CAPN2: variants seen among roughly 807,000 people sequenced by gnomAD.
CAPN2 encodes calpain-2 catalytic subunit.
Under a neutral mutation model 102.3 loss-of-function variants are expected in CAPN2, and 92 were observed. The ratio of observed to expected loss-of-function variants is 0.90; its 90% CI spans 0.76 to 1.07. The LOEUF (loss-of-function observed/expected upper bound fraction) is 1.07. CAPN2 is among the 50% of genes least tolerant of loss of function. The pLI is 0.00. For missense variants in CAPN2, 800 were observed against 909.4 expected (o/e 0.88, Z 1.55); for synonymous variants, 340 against 355.4 (o/e 0.96, Z 0.49).
intron 2 of CAPN2, among the ~76,000 whole-genome samples, chr1:223,729,877 C>T (rs1233919880): frequency 2.0e-5 from 3 of 151,870 alleles, no homozygotes; most frequent in Non-Finnish European, 1.5e-5. Flanking sequence ...GCGGTGTATG[C>T]CTGTAGTCCC....
chr1:223,740,284 T>G (rs1392780475), intron 2 of CAPN2, among the ~76,000 whole-genome samples: 1 of 152,182 alleles, frequency 6.6e-6, no homozygotes, highest in Non-Finnish European at 1.5e-5. Context: ...GAAATAGCAC[T>G]TGAACATAAA....
At chr1:223,706,321 T>G (rs1048589193) in intron 1 of CAPN2, among the ~76,000 whole-genome samples, 2 of 152,112 alleles carry the variant, frequency 1.3e-5, no homozygotes, top group African/African-American at 2.4e-5. Context: ...AACAGGCCTG[T>G]CCAATACTCA....
rs536853372 is a variant in CAPN2, at chr1:223,723,635, A to G, written c.307+5804A>G. ...TAAGATCTAAGATCTTAGAGACGAG[A>G]TGAGACATCTCTTGCCTTCGTGCAT... On this transcript the variant is annotated intron_variant, in intron 2 of 20. Coordinates refer to ENST00000295006, the MANE Select transcript of CAPN2 (RefSeq NM_001748.5). Among the ~76,000 whole-genome samples, 17 of 152,132 alleles carry G rather than the reference A, an allele frequency of 1.1e-4. No homozygotes were observed. In the East Asian group the frequency reaches 2.9e-3, roughly 26 times the overall value.
At chr1:223,703,409 G>T (rs1659529667) in intron 1 of CAPN2, among the ~76,000 whole-genome samples, 6 of 151,814 alleles carry the variant, frequency 4.0e-5, no homozygotes, top group Admixed American at 3.9e-4. Context: ...CTCCCATTGT[G>T]CCGTGCCTGG....
At chr1:223,752,998 A>G (rs1262265273) in intron 9 of CAPN2, 42 bp downstream of exon 9, 3 of 1,598,530 alleles carry the variant, frequency 1.9e-6, no homozygotes, top group African/African-American at 2.7e-5. Context: ...ATGCGGGGCC[A>G]CCAAAGGCCA....
chr1:223,733,108 C>A (rs1571792307), intron 2 of CAPN2, among the ~76,000 whole-genome samples: 1 of 152,272 alleles, frequency 6.6e-6, no homozygotes, highest in Non-Finnish European at 1.5e-5. Flanking sequence ...CCTGCCCACA[C>A]ACCTCCTGTC....
intron 12 of CAPN2, among the ~76,000 whole-genome samples, chr1:223,760,983 G>A (rs1173873443): frequency 1.3e-5 from 2 of 152,268 alleles, no homozygotes; most frequent in East Asian, 1.9e-4. Context: ...CCTGGCCCTG[G>A]ACACAGGGGC....
rs759517694 is a variant in CAPN2, at chr1:223,745,393, G to A, written c.514G>A (p.Glu172Lys). Residue 172 changes from glutamate (E) to lysine (K), a missense_variant, in exon 4 of 21, where the codon GAA (glutamate) becomes AAA (lysine). Physicochemically the swap from Glu to Lys is moderately conservative, Grantham distance 56. Transcript: ENST00000295006. ...GGAGCTGCTCTTTGTGCATTCAGCC[G>A]AAGGGAGCGAGTTCTGGAGCGCCCT... ...DGELLFVHSA[E>K]GSEFWSALLE... is the part of the protein sequence containing the mutation. 27 of 1,614,108 alleles carry A rather than the reference G, an allele frequency of 1.7e-5. No homozygotes were observed. Among genetic ancestry groups the A allele is most frequent in the South Asian group, 8.8e-5 (8 of 91,090 alleles).
upstream of CAPN2, among the ~76,000 whole-genome samples, chr1:223,709,476 C>T (rs947237018): frequency 1.3e-5 from 2 of 151,984 alleles, no homozygotes; most frequent in Admixed American, 6.6e-5. Flanking sequence ...GCCTAGCCAA[C>T]GTGGAGAAAC....
chr1:223,766,469 G>A, intron 16 of CAPN2, 38 bp downstream of exon 16: 1 of 1,486,988 alleles, frequency 6.7e-7, no homozygotes, highest in Non-Finnish European at 9.4e-7. Flanking sequence ...GAGACTGGGG[G>A]AGTTTAAAAT....
chr1:223,764,001 G>A (rs2102812497), intron 14 of CAPN2, 149 bp from the exon 15 acceptor site: 2 of 671,452 alleles, frequency 3.0e-6, no homozygotes, highest in East Asian at 5.1e-5. Flanking sequence ...GTGGTCTGGG[G>A]ACAGCAGCCC....
At chr1:223,761,485 G>C in intron 12 of CAPN2, 96 bp from the exon 13 acceptor site, 1 of 967,472 alleles carries the variant, frequency 1.0e-6, no homozygotes, top group South Asian at 1.6e-5. Flanking sequence ...CCTACCCCCT[G>C]CTGGATTTAG....
At chr1:223,771,485 G>A (rs189419855) in intron 18 of CAPN2, 19 of 249,008 alleles carry the variant, frequency 7.6e-5, no homozygotes, top group Admixed American at 1.0e-4. Context: ...TCTTCAAGAC[G>A]ATTGAGAGCT....
At chr1:223,719,808 G>A (rs1042324155) in intron 2 of CAPN2, among the ~76,000 whole-genome samples, 1 of 19,920 alleles carries the variant, frequency 5.0e-5, no homozygotes, top group South Asian at 2.6e-3. Context: ...GTGTGTGCGT[G>A]TGTGTGTGTG....
rs761239967 is a variant in CAPN2 at position 223,717,810 on chromosome 1, G to C, written c.286G>C (p.Asp96His). ...QFIIGGATRTDICQGALGDCW... is the reference protein window; with the variant it reads ...QFIIGGATRTHICQGALGDCW... ...TATCATTGGAGGAGCCACCCGCACAGACATCTGCCAAGGAGCCCTGGGTAA... is the reference window on the plus strand; with the variant it reads ...TATCATTGGAGGAGCCACCCGCACACACATCTGCCAAGGAGCCCTGGGTAA... Residue 96 changes from aspartate to histidine, a missense_variant, in exon 2 of 21, where the codon GAC (aspartate) becomes CAC (histidine). By Grantham distance (81) the Asp-to-His change is moderately conservative. Coordinates refer to ENST00000295006, the MANE Select transcript of CAPN2 (RefSeq NM_001748.5). 1 of 1,614,088 alleles carries C rather than the reference G, an allele frequency of 6.2e-7. No individual in the cohort carries two copies. Among genetic ancestry groups the C allele is most frequent in the Non-Finnish European group, 8.5e-7 (1 of 1,179,904 alleles).
intron 2 of CAPN2, among the ~76,000 whole-genome samples, chr1:223,739,364 A>G (rs928497855): frequency 6.6e-6 from 1 of 151,920 alleles, no homozygotes; most frequent in Non-Finnish European, 1.5e-5. Context: ...TTGTATTTTT[A>G]GTAAAGATGG....
intron 5 of CAPN2, among the ~76,000 whole-genome samples, 200 bp downstream of exon 5, chr1:223,747,365 T>A (rs1188942790): frequency 2.0e-5 from 3 of 152,106 alleles, no homozygotes; most frequent in African/African-American, 7.2e-5. Context: ...ATACAAGAAA[T>A]GGCATACAAA....
At chr1:223,742,262 G>A (rs1461742907) in intron 2 of CAPN2, among the ~76,000 whole-genome samples, 1 of 151,838 alleles carries the variant, frequency 6.6e-6, no homozygotes, top group African/African-American at 2.4e-5. Context: ...CATGGTGGCA[G>A]GTGCCTATAA....
chr1:223,752,071 G>A lies in CAPN2; in HGVS notation c.974G>A (p.Trp325Ter). ...LTRRHEDGEFWMSFSDFLRHY... is the reference protein window; with the variant it reads ...LTRRHEDGEF ...AGACGGCATGAAGATGGAGAATTCT[G>A]GTAAGATTAGTGGAGGCTTCAGGGA... is the stretch of plus-strand genomic sequence containing the variant. The change falls in exon 8 of 21, where the codon TGG (tryptophan) becomes TAG (stop). Residue 325 changes from tryptophan (W) to a stop codon, truncating the protein, a stop_gained and splice_region_variant. Coordinates refer to ENST00000295006, the MANE Select transcript of CAPN2 (RefSeq NM_001748.5). LOFTEE classifies it high-confidence loss of function. 6.2e-7 allele frequency: 1 copy of A among 1,605,070 alleles called. No individual in the cohort carries two copies. The highest frequency in any genetic ancestry group is 8.5e-7 in the Non-Finnish European group (1 of 1,171,852).
Sources: allele counts gnomAD v4.1 joint callset (sites outside exome capture counted in the v4.1 genomes callset), GRCh38; gene constraint gnomAD v4.1.1; transcripts MANE v1.5; gene names NCBI Gene and HGNC (gene_info 2026-07-23, HGNC 2026-07-21).